Variants in FKBP1A observed in about 807,000 individuals in gnomAD.
FKBP1A encodes FKBP prolyl isomerase 1A, also known as peptidyl-prolyl cis-trans isomerase FKBP1A.
A neutral mutation model predicts 14.2 loss-of-function variants in FKBP1A; 5 were observed. The observed-to-expected ratio is 0.35, with a 90% CI of 0.18 to 0.74. The LOEUF (loss-of-function observed/expected upper bound fraction) is 0.74. Ranked by LOEUF, FKBP1A falls within the 30% of genes least tolerant of loss-of-function variation. The pLI, the probability that FKBP1A is intolerant of heterozygous loss-of-function variation, is 0.56. For missense variants in FKBP1A, 53 were observed against 138.8 expected (o/e 0.38, Z 3.10); for synonymous variants, 42 against 49.1 (o/e 0.86, Z 0.60).
At chr20:1,382,075 A>G (rs1415804850) in intron 2 of FKBP1A, among the ~76,000 whole-genome samples, 3 of 152,236 alleles carry the variant, frequency 2.0e-5, no homozygotes, top group Non-Finnish European at 4.4e-5. Context: ...AAAATGCTAT[A>G]TATGTTTAGC....
chr20:1,393,053 G>T lies in FKBP1A; in HGVS notation c.-55C>A. On this transcript the variant is annotated 5_prime_UTR_variant, in exon 1 of 5. In the 5' UTR this introduces an upstream ATG that the reference lacks. Transcript: ENST00000400137. ...GCGCGACGGGCGGCGTGGACCAACA[G>T]CGACCTGGCGGCGGTTCCACGGCTC... 8.3e-7 allele frequency: 1 copy of T among 1,198,168 alleles called. No homozygotes were observed. The highest frequency in any genetic ancestry group is 1.1e-6 in the Non-Finnish European group (1 of 887,994). The allele number at this position is 1,198,168 out of a possible 1,614,324, so 74.2% of individuals were successfully genotyped here. A position where few individuals can be genotyped will look rare whatever the true frequency, so the allele number is the denominator to read the frequency against.
chr20:1,373,452 A>T (rs2089495674), intron 3 of FKBP1A, among the ~76,000 whole-genome samples: 1 of 152,194 alleles, frequency 6.6e-6, no homozygotes, highest in African/African-American at 2.4e-5. Context: ...CCAAAACAAT[A>T]TCAAAAGGAA....
chr20:1,389,966 A>G (rs1041619856), intron 2 of FKBP1A, among the ~76,000 whole-genome samples: 8 of 152,166 alleles, frequency 5.3e-5, no homozygotes, highest in African/African-American at 1.9e-4. Context: ...TCCCTCTGGT[A>G]CCACAGAGGT....
At chr20:1,389,755 A>G (rs1049516340) in intron 2 of FKBP1A, among the ~76,000 whole-genome samples, 1 of 152,202 alleles carries the variant, frequency 6.6e-6, no homozygotes, top group Non-Finnish European at 1.5e-5. Context: ...TAAGTAAAAG[A>G]GGTCTAAACC....
At chr20:1,371,968 A>G in intron 4 of FKBP1A, 108 bp downstream of exon 4, 2 of 1,476,650 alleles carry the variant, frequency 1.4e-6, no homozygotes, top group Admixed American at 5.3e-5. Context: ...TGCAGGGGGA[A>G]AAATAGCCTT....
chr20:1,377,778 G>C (rs752237963), intron 2 of FKBP1A: 7 of 152,188 alleles, frequency 4.6e-5, no homozygotes, highest in African/African-American at 7.2e-5. Context: ...ACAGAAATAA[G>C]GAAACCGACT....
At chr20:1,371,936 A>T in intron 4 of FKBP1A, 140 bp downstream of exon 4, 2 of 1,435,044 alleles carry the variant, frequency 1.4e-6, no homozygotes, top group Non-Finnish European at 1.8e-6. Flanking sequence ...TAACACTGAA[A>T]GGATACTCAA....
rs143348361 is a variant in FKBP1A, at chr20:1,370,232, C to T, written c.*37-160G>A. Reference sequence around the variant, plus strand: ...TTCCAGCTGGAGACAGCCAGAAAGACTTGGGCTGGGTCCCAGGTGAAACAA... The same window carrying T: ...TTCCAGCTGGAGACAGCCAGAAAGATTTGGGCTGGGTCCCAGGTGAAACAA... On this transcript the variant is annotated intron_variant, in intron 4 of 4. Coordinates refer to ENST00000400137, the MANE Select transcript of FKBP1A (RefSeq NM_000801.5). The T allele has an allele frequency of 1.7e-4, 172 of 985,474 alleles. 1 individual carries two copies. The African/African-American group carries it at 2.7e-3, about 16-fold the overall frequency. 61.0% of individuals were successfully genotyped at this position (985,474 alleles called of 1,614,324 possible).
chr20:1,380,944 C>T (rs963799083), intron 2 of FKBP1A, among the ~76,000 whole-genome samples: 2 of 152,126 alleles, frequency 1.3e-5, no homozygotes, highest in African/African-American at 4.8e-5. Flanking sequence ...AACTTCACAC[C>T]ATTATCAAGC....
At chr20:1,373,654 G>A (rs568273425) in intron 3 of FKBP1A, among the ~76,000 whole-genome samples, 18 of 152,232 alleles carry the variant, frequency 1.2e-4, no homozygotes, top group African/African-American at 4.3e-4. Flanking sequence ...TCCAATACTC[G>A]ACCATGCCTC....
At chr20:1,376,075 C>G (rs992750680) in intron 2 of FKBP1A, among the ~76,000 whole-genome samples, 5 of 152,234 alleles carry the variant, frequency 3.3e-5, no homozygotes, top group African/African-American at 1.2e-4. Context: ...CTCCATTGTT[C>G]AGTGCAGGCA....
intron 2 of FKBP1A, among the ~76,000 whole-genome samples, chr20:1,387,326 T>C (rs2089678197): frequency 6.6e-6 from 1 of 151,732 alleles, no homozygotes; most frequent in Non-Finnish European, 1.5e-5. Context: ...GAAGGAATGG[T>C]GGGAGCCTGT....
intron 2 of FKBP1A, among the ~76,000 whole-genome samples, chr20:1,381,635 G>A (rs1026518288): frequency 4.2e-4 from 64 of 152,288 alleles, no homozygotes; most frequent in African/African-American, 1.4e-3. Context: ...AATGTTCAAA[G>A]CAGATTTATT....
intron 2 of FKBP1A, among the ~76,000 whole-genome samples, chr20:1,384,707 C>G (rs2089651730): frequency 6.6e-6 from 1 of 152,150 alleles, no homozygotes; most frequent in African/African-American, 2.4e-5. Context: ...GTCTCTGTGG[C>G]TGTATTCCAG....
chr20:1,375,412 A>T, intron 3 of FKBP1A, 79 bp downstream of exon 3: 1 of 1,005,538 alleles, frequency 9.9e-7, no homozygotes, highest in Admixed American at 2.2e-5. Flanking sequence ...TTATTTTTGA[A>T]CCGTATAAAT....
At position 1,379,909 on chromosome 20, in the gene FKBP1A, G is replaced by T. The variant is rs2089597808; in HGVS notation, c.86-4306C>A. Among the ~76,000 whole-genome samples the T allele has an allele frequency of 1.3e-5, 2 of 152,132 alleles. No homozygotes were observed. The highest frequency in any genetic ancestry group is 2.9e-5 in the Non-Finnish European group (2 of 68,020). On this transcript the variant is annotated intron_variant, in intron 2 of 4. Coordinates refer to ENST00000400137, the MANE Select transcript of FKBP1A (RefSeq NM_000801.5). This position sits in a 1 kb window ranked among gnomAD's most constrained non-coding sequence, Gnocchi z 4.3. The stretch of plus-strand genomic sequence containing the variant: ...TCTATGGCCCTAAGTTGTCAGCCTG[G>T]GGGAGAAGGTGGAAGCAGTGTTTGT...
intron 2 of FKBP1A, 92 bp downstream of exon 2, chr20:1,392,742 C>T (rs1246479520): frequency 1.0e-6 from 1 of 964,880 alleles, no homozygotes; most frequent in African/African-American, 1.7e-5. Flanking sequence ...CGCCCCGGAC[C>T]CCAGGCCCCG....
At chr20:1,370,096 A>C (rs1250326748) in intron 4 of FKBP1A, 24 bp from the exon 5 acceptor site, 1 of 1,544,822 alleles carries the variant, frequency 6.5e-7, no homozygotes, top group East Asian at 2.4e-5. Flanking sequence ...AAAATCTGTG[A>C]GTTTCCAGCA....
chr20:1,393,050 A>G lies in FKBP1A; in HGVS notation c.-52T>C, dbSNP rs758069216. 3.2e-4 allele frequency: 388 copies of G among 1,214,256 alleles called. 1 individual carries two copies. The highest frequency in any genetic ancestry group is 4.2e-4 in the Non-Finnish European group (378 of 901,176). 75.2% of individuals were successfully genotyped at this position (1,214,256 alleles called of 1,614,324 possible). A position where few individuals can be genotyped will look rare whatever the true frequency, so the allele number is the denominator to read the frequency against. Reference sequence around the variant, plus strand: ...GCGGCGCGACGGGCGGCGTGGACCAACAGCGACCTGGCGGCGGTTCCACGG... The same window carrying G: ...GCGGCGCGACGGGCGGCGTGGACCAGCAGCGACCTGGCGGCGGTTCCACGG... On this transcript the variant is annotated 5_prime_UTR_variant, in exon 1 of 5. Transcript: ENST00000400137.
Sources: gnomAD v4.1 joint callset for allele counts (sites outside exome capture counted in the v4.1 genomes callset) on GRCh38, gnomAD v4.1.1 for gene constraint, Gnocchi (gnomAD v3.1) non-coding constraint, MANE v1.5 for transcripts, NCBI Gene and HGNC (gene_info 2026-07-23, HGNC 2026-07-21) for gene names.